Variants in EXOG observed in about 807,000 individuals in gnomAD.
EXOG encodes the protein exo/endonuclease G, also known as nuclease EXOG, mitochondrial.
In EXOG, 27 loss-of-function variants were observed where a neutral mutation model predicts 25.8. That is an observed-to-expected ratio of 1.05 (90% confidence interval 0.77 to 1.45). EXOG has a LOEUF of 1.45. EXOG is among the 40% of genes most tolerant of loss of function. EXOG has a pLI of 0.00. For synonymous variants in EXOG, 133 were observed against 167.0 expected, an observed-to-expected ratio of 0.80 and a Z score of 1.57; for missense variants, 458 against 450.5, an observed-to-expected ratio of 1.02 and a Z score of -0.15.
intron 1 of EXOG, chr3:38,496,812 C>A: frequency 7.0e-7 from 1 of 1,423,730 alleles, no homozygotes. Flanking sequence ...ATCGCGATAT[C>A]TATGTTTTAA....
At chr3:38,496,678 G>A in intron 1 of EXOG, 148 bp downstream of exon 1, 5 of 1,442,654 alleles carry the variant, frequency 3.5e-6, no homozygotes, top group Non-Finnish European at 4.5e-6. Context: ...TTATTCTCCC[G>A]GCTCGGCCTC....
Position 38,525,500 on chromosome 3 carries a change from A to G in EXOG, c.*1138A>G. On this transcript the variant is annotated 3_prime_UTR_variant, in exon 6 of 6. Transcript: ENST00000287675. The stretch of plus-strand genomic sequence containing the variant: ...TCTGTGGAAAGAGACAGTCAGGAAT[A>G]TTTGGGAATTAGACGGCAATACTTT... 1 of 985,428 alleles carries G rather than the reference A, an allele frequency of 1.0e-6. No individual in the cohort carries two copies. The allele number at this position is 985,428 out of a possible 1,614,324, so 61.0% of individuals were successfully genotyped here.
chr3:38,496,372 C>CT lies in EXOG; in HGVS notation c.6dup (p.Ile3TyrfsTer43). 6.2e-7 allele frequency: 1 copy of CT among 1,613,312 alleles called. No individual in the cohort carries two copies. Among genetic ancestry groups the CT allele is most frequent in the Non-Finnish European group, 8.5e-7 (1 of 1,179,608 alleles). ...AAGGCCGGTACCTCGGGCAAGATGG[C>CT]TATCAAGAGTATCGCTTCCCGCCTC... On this transcript the variant is annotated frameshift_variant, in exon 1 of 6. Transcript: ENST00000287675. LOFTEE classifies it high-confidence loss of function.
intron 5 of EXOG, among the ~76,000 whole-genome samples, chr3:38,511,786 C>T (rs2125779881): frequency 6.6e-6 from 1 of 152,298 alleles, no homozygotes; most frequent in East Asian, 1.9e-4. Flanking sequence ...GACCTAACTT[C>T]TTTAAAGTTC....
At chr3:38,507,968 T>C (rs979784645) in intron 5 of EXOG, among the ~76,000 whole-genome samples, 2 of 151,912 alleles carry the variant, frequency 1.3e-5, no homozygotes, top group African/African-American at 4.8e-5. Flanking sequence ...CCGTCTCTGC[T>C]AAAAATACAA....
At chr3:38,511,533 G>A (rs957510752) in intron 5 of EXOG, among the ~76,000 whole-genome samples, 14 of 152,202 alleles carry the variant, frequency 9.2e-5, no homozygotes, top group East Asian at 3.8e-4. Flanking sequence ...TATAAAGGAT[G>A]TTAATTTGAC....
At chr3:38,504,663 T>C (rs2060149460) in intron 4 of EXOG, among the ~76,000 whole-genome samples, 1 of 152,176 alleles carries the variant, frequency 6.6e-6, no homozygotes, top group Non-Finnish European at 1.5e-5. Flanking sequence ...CTTGAACTCC[T>C]GACCTCGTGA....
chr3:38,512,769 A>G (rs2060410959), intron 5 of EXOG, among the ~76,000 whole-genome samples: 1 of 152,040 alleles, frequency 6.6e-6, no homozygotes, highest in Non-Finnish European at 1.5e-5. Flanking sequence ...GAGGTATTTT[A>G]TTTGGCTCAC....
Position 38,497,826 on chromosome 3 carries a change from G to A in EXOG, c.313+48G>A, listed in dbSNP as rs1029199935. On this transcript the variant is annotated intron_variant, in intron 2 of 5. Transcript: ENST00000287675. ...TGAAGTAACAGTATTTATGAAAGAT[G>A]TCTCCAAATTTAAAACAGGGATGAT... 12 of 1,555,940 alleles carry A rather than the reference G, an allele frequency of 7.7e-6. No homozygotes were observed. In the Admixed American group the frequency reaches 1.6e-4, roughly 20 times the overall value.
At chr3:38,517,820 A>G (rs1297114201) in intron 5 of EXOG, among the ~76,000 whole-genome samples, 4 of 152,210 alleles carry the variant, frequency 2.6e-5, no homozygotes, top group Non-Finnish European at 4.4e-5. Context: ...CTGGAGGAGC[A>G]TATGGTTTTT....
At chr3:38,510,323 G>GA (rs1310189795) in intron 5 of EXOG, among the ~76,000 whole-genome samples, 2 of 152,112 alleles carry the variant, frequency 1.3e-5, no homozygotes, top group Admixed American at 6.5e-5. Context: ...TCCTAGACCA[G>GA]AAAAAAGTTG....
chr3:38,518,225 C>T (rs2060606015), intron 5 of EXOG, among the ~76,000 whole-genome samples: 2 of 152,012 alleles, frequency 1.3e-5, no homozygotes, highest in African/African-American at 2.4e-5. Context: ...TAAGTTAGAG[C>T]GTTCATGTAG....
intron 5 of EXOG, among the ~76,000 whole-genome samples, chr3:38,508,200 G>C (rs1455915495): frequency 6.6e-6 from 1 of 152,104 alleles, no homozygotes; most frequent in Non-Finnish European, 1.5e-5. Flanking sequence ...GAATAAATGG[G>C]AAGAAAAGCT....
chr3:38,524,481 G>T lies in EXOG; in HGVS notation c.*119G>T. The T allele has an allele frequency of 7.0e-7, 1 of 1,423,098 alleles. No individual in the cohort carries two copies. 88.2% of individuals were successfully genotyped at this position (1,423,098 alleles called of 1,614,324 possible). A position where few individuals can be genotyped will look rare whatever the true frequency, so the allele number is the denominator to read the frequency against. On this transcript the variant is annotated 3_prime_UTR_variant, in exon 6 of 6. Transcript: ENST00000287675. ...AAAAGTTTTTCTCTTTAAGAGATGTGGTCTCGCCGTGTCATCCAGGCTGGA... is the reference window on the plus strand; with the variant it reads ...AAAAGTTTTTCTCTTTAAGAGATGTTGTCTCGCCGTGTCATCCAGGCTGGA...
intron 1 of EXOG, 59 bp downstream of exon 1, chr3:38,496,589 C>A: frequency 6.4e-7 from 1 of 1,568,568 alleles, no homozygotes; most frequent in Non-Finnish European, 8.6e-7. Context: ...CGACTCCTAC[C>A]TGGAGTGTGA....
At chr3:38,496,729 TC>T (rs2059901135) in intron 1 of EXOG, 199 bp downstream of exon 1, 1 of 1,449,772 alleles carries the variant, frequency 6.9e-7, no homozygotes, top group Non-Finnish European at 9.1e-7. Context: ...CTCATGTCCT[TC>T]CTTCCCCCGG....
intron 5 of EXOG, among the ~76,000 whole-genome samples, chr3:38,511,672 T>G (rs1373327328): frequency 6.6e-6 from 1 of 152,202 alleles, no homozygotes; most frequent in African/African-American, 2.4e-5. Context: ...CTTGCAATAG[T>G]AGGAAAGGCA....
chr3:38,517,911 A>T (rs1211975604), intron 5 of EXOG, among the ~76,000 whole-genome samples: 1 of 152,230 alleles, frequency 6.6e-6, no homozygotes, highest in East Asian at 1.9e-4. Flanking sequence ...CCATAATAAT[A>T]CTGCTTTTAT....
intron 3 of EXOG, among the ~76,000 whole-genome samples, chr3:38,501,895 G>A (rs192305523): frequency 2.0e-5 from 3 of 152,180 alleles, no homozygotes; most frequent in South Asian, 2.1e-4. Flanking sequence ...ACAGGGGTGC[G>A]TCACCATGCT....
Sources: gnomAD v4.1 joint callset for allele counts (sites outside exome capture counted in the v4.1 genomes callset) on GRCh38, gnomAD v4.1.1 for gene constraint, MANE v1.5 for transcripts, NCBI Gene and HGNC (gene_info 2026-07-23, HGNC 2026-07-21) for gene names.